NKAIN2: variants seen among roughly 807,000 people sequenced by gnomAD.
NKAIN2 encodes the protein sodium/potassium transporting ATPase interacting 2.
NKAIN2 carries 14 observed loss-of-function variants against 32.6 expected under a neutral mutation model. The ratio of observed to expected loss-of-function variants is 0.43; its 90% CI spans 0.28 to 0.67. NKAIN2 has a LOEUF of 0.67. Among genes scored for constraint, NKAIN2 ranks in the 30% least tolerant of loss-of-function variants. The pLI, the probability that NKAIN2 is intolerant of heterozygous loss-of-function variation, is 0.17. For synonymous variants in NKAIN2, 80 were observed against 87.2 expected, an observed-to-expected ratio of 0.92 and a Z score of 0.46; for missense variants, 198 against 258.3, an observed-to-expected ratio of 0.77 and a Z score of 1.60.
intron 1 of NKAIN2, among the ~76,000 whole-genome samples, chr6:124,177,282 A>G (rs191004825): frequency 5.2e-4 from 79 of 152,328 alleles, no homozygotes; most frequent in African/African-American, 1.9e-3. Context: ...TTTCACATGC[A>G]CAGTTTAGAT....
chr6:124,739,538 C>A (rs1451902979), intron 4 of NKAIN2, among the ~76,000 whole-genome samples: 1 of 151,824 alleles, frequency 6.6e-6, no homozygotes, highest in Non-Finnish European at 1.5e-5. Flanking sequence ...AGAGATGTTA[C>A]CTGATAAAGA....
intron 3 of NKAIN2, among the ~76,000 whole-genome samples, chr6:124,647,064 T>A (rs189624611): frequency 6.6e-6 from 1 of 151,956 alleles, no homozygotes; most frequent in Admixed American, 6.6e-5. Context: ...ACCTAAAAAA[T>A]ACCCCTAGTA....
chr6:123,851,389 A>G (rs891196144), intron 1 of NKAIN2, among the ~76,000 whole-genome samples: 1 of 150,660 alleles, frequency 6.6e-6, no homozygotes, highest in African/African-American at 2.4e-5. Context: ...AGCTGGGATT[A>G]CAGGCATGCG....
intron 3 of NKAIN2, among the ~76,000 whole-genome samples, chr6:124,617,379 A>C (rs1168953821): frequency 6.6e-6 from 1 of 152,146 alleles, no homozygotes; most frequent in African/African-American, 2.4e-5. Flanking sequence ...TGCATGTCTC[A>C]TGCTTGCCCA....
chr6:124,342,211 C>A (rs922373841), intron 2 of NKAIN2, among the ~76,000 whole-genome samples: 2 of 151,544 alleles, frequency 1.3e-5, no homozygotes, highest in African/African-American at 2.4e-5. Flanking sequence ...ACCATCTTGG[C>A]TGACATGGTG....
chr6:123,870,688 T>C (rs1772824772), intron 1 of NKAIN2, among the ~76,000 whole-genome samples: 1 of 152,206 alleles, frequency 6.6e-6, no homozygotes, highest in South Asian at 2.1e-4. Flanking sequence ...CATGTCACTT[T>C]ATTCAACTCC....
chr6:123,816,367 A>G (rs143141477), intron 1 of NKAIN2, among the ~76,000 whole-genome samples: 1 of 152,274 alleles, frequency 6.6e-6, no homozygotes, highest in Non-Finnish European at 1.5e-5. Flanking sequence ...CTACAGTAGA[A>G]TAAGAAACAA....
chr6:124,619,272 G>T (rs991862316), intron 3 of NKAIN2, among the ~76,000 whole-genome samples: 3 of 152,120 alleles, frequency 2.0e-5, no homozygotes, highest in Non-Finnish European at 4.4e-5. Context: ...AGTTAAAATG[G>T]AAAAGGAAGT....
intron 1 of NKAIN2, among the ~76,000 whole-genome samples, chr6:123,874,479 A>G (rs113972354): frequency 1.3e-5 from 2 of 152,176 alleles, no homozygotes; most frequent in African/African-American, 4.8e-5. Flanking sequence ...GATATTGCAC[A>G]CCATCATTAT....
intron 3 of NKAIN2, among the ~76,000 whole-genome samples, chr6:124,488,533 C>T (rs1173721454): frequency 6.6e-6 from 1 of 151,990 alleles, no homozygotes; most frequent in African/African-American, 2.4e-5. Flanking sequence ...AAATCCCTTG[C>T]CTTATCATTT....
chr6:124,071,597 A>G (rs1783473079), intron 1 of NKAIN2, among the ~76,000 whole-genome samples: 1 of 152,210 alleles, frequency 6.6e-6, no homozygotes, highest in Non-Finnish European at 1.5e-5. Flanking sequence ...TCTAATATCC[A>G]GAATCTGTAA....
rs753069446 is a variant in NKAIN2 at position 123,895,676 on chromosome 6, G to GT, written c.54+91423dup. On this transcript the variant is annotated intron_variant, in intron 1 of 6. Coordinates refer to ENST00000368417, the MANE Select transcript of NKAIN2 (RefSeq NM_001040214.3). ...ATCCTTTGACAGCTCTAATGCAAAC[G>GT]TAAGTTTAAAAGTATTATGAGATAG... Among the ~76,000 whole-genome samples the GT allele has an allele frequency of 2.9e-4, 44 of 152,154 alleles. 1 individual carries two copies. Among genetic ancestry groups the GT allele is most frequent in the Non-Finnish European group, 5.1e-4 (35 of 68,018 alleles).
chr6:124,616,193 T>C (rs1229274695), intron 3 of NKAIN2, among the ~76,000 whole-genome samples: 1 of 152,058 alleles, frequency 6.6e-6, no homozygotes, highest in Non-Finnish European at 1.5e-5. Context: ...ACATGCAGCA[T>C]TCCCTTCTTG....
rs144024511 is a variant in NKAIN2, at chr6:124,474,057, C to G, written c.273+118710C>G. ...AATACAGTTGCATATCAGTGGAAGC[C>G]AAAGCACAATGTCAGTAAATATTTA... is the stretch of plus-strand genomic sequence containing the variant. On this transcript the variant is annotated intron_variant, in intron 3 of 6. Coordinates refer to ENST00000368417, the MANE Select transcript of NKAIN2 (RefSeq NM_001040214.3). Among the ~76,000 whole-genome samples the G allele has an allele frequency of 4.5e-3, 681 of 151,980 alleles. 3 individuals carry two copies. Among genetic ancestry groups the G allele is most frequent in the African/African-American group, 0.016 (649 of 41,474 alleles).
chr6:124,239,209 A>C (rs762857476), intron 1 of NKAIN2, among the ~76,000 whole-genome samples: 7 of 152,178 alleles, frequency 4.6e-5, no homozygotes, highest in Non-Finnish European at 1.0e-4. Flanking sequence ...GAACTATCAT[A>C]AATATATATG....
At chr6:124,435,188 A>G (rs1391486101) in intron 3 of NKAIN2, among the ~76,000 whole-genome samples, 1 of 152,150 alleles carries the variant, frequency 6.6e-6, no homozygotes, top group Non-Finnish European at 1.5e-5. Flanking sequence ...TATGGCATGC[A>G]AACATCTTGA....
At chr6:123,980,941 C>A (rs1265432911) in intron 1 of NKAIN2, among the ~76,000 whole-genome samples, 4 of 151,232 alleles carry the variant, frequency 2.6e-5, no homozygotes, top group African/African-American at 9.8e-5. Context: ...GCGATCTCTG[C>A]TCACTGCAAC....
intron 3 of NKAIN2, among the ~76,000 whole-genome samples, chr6:124,414,021 G>GTT (rs35007875): frequency 2.8e-4 from 41 of 146,740 alleles, no homozygotes; most frequent in Admixed American, 5.5e-4. Flanking sequence ...TTGTTCGTTT[G>GTT]TTTTTTTTTT....
intron 3 of NKAIN2, among the ~76,000 whole-genome samples, chr6:124,560,621 C>T (rs1340569154): frequency 6.6e-6 from 1 of 152,122 alleles, no homozygotes; most frequent in African/African-American, 2.4e-5. Flanking sequence ...GATGAGGCTA[C>T]CCTGTATGTA....
Sources: gnomAD v4.1 joint callset for allele counts (sites outside exome capture counted in the v4.1 genomes callset) on GRCh38, gnomAD v4.1.1 for gene constraint, MANE v1.5 for transcripts, NCBI Gene and HGNC (gene_info 2026-07-23, HGNC 2026-07-21) for gene names.